HTR1E: variants seen among roughly 807,000 people sequenced by gnomAD.
HTR1E encodes 5-hydroxytryptamine receptor 1E.
A neutral mutation model predicts 3.4 loss-of-function variants in HTR1E; 3 were observed. That is an observed-to-expected ratio of 0.89 (90% CI 0.41 to 2.31). The LOEUF is 2.31. Among genes scored for constraint, HTR1E ranks in the 30% most tolerant of loss-of-function variants. The pLI, the probability that HTR1E is intolerant of heterozygous loss-of-function variation, is 0.05. For missense variants in HTR1E, 392 were observed against 467.0 expected, an observed-to-expected ratio of 0.84 and a Z score of 1.48; for synonymous variants, 170 against 182.8, an observed-to-expected ratio of 0.93 and a Z score of 0.56.
intron 1 of HTR1E, among the ~76,000 whole-genome samples, chr6:86,980,949 G>A (rs551285320): frequency 6.6e-6 from 1 of 152,256 alleles, no homozygotes; most frequent in East Asian, 1.9e-4. Context: ...ACATGCACCT[G>A]GAAGGCCACC....
rs150830526 is a variant in HTR1E at position 86,996,240 on chromosome 6, T to C, written c.-185-18910T>C. Among the ~76,000 whole-genome samples the C allele has an allele frequency of 5.3e-3, 800 of 152,194 alleles. 2 individuals carry two copies. Among genetic ancestry groups the C allele is most frequent in the Non-Finnish European group, 8.2e-3 (557 of 67,984 alleles). ...TAGACCTCAGAAAACTCAAAAGAAC[T>C]AAATTAACACAAAGTATGTCCTCTG... On this transcript the variant is annotated intron_variant, in intron 1 of 1. Transcript: ENST00000305344.
In HTR1E at chr6:87,005,400, A is replaced by G. The variant is rs138832880; in HGVS notation, c.-185-9750A>G. The stretch of plus-strand genomic sequence containing the variant: ...TGGCATAAAAACAGACACATAGACC[A>G]ATGAAACAAAATAGAAAACCCAGAA... On this transcript the variant is annotated intron_variant, in intron 1 of 1. Coordinates refer to ENST00000305344, the MANE Select transcript of HTR1E (RefSeq NM_000865.3). Among the ~76,000 whole-genome samples, 1,343 of 152,332 alleles carry G rather than the reference A, an allele frequency of 8.8e-3. 24 individuals are homozygous for G. The highest frequency in any genetic ancestry group is 0.031 in the African/African-American group (1,280 of 41,568).
In HTR1E at chr6:87,001,627, A is replaced by G. The variant is rs941352725; in HGVS notation, c.-185-13523A>G. ...GCAAGGAAGAAATGTAACAATGTGTAAGAAAGCAAGAATTAGAGAGGGGCA... is the reference window on the plus strand; with the variant it reads ...GCAAGGAAGAAATGTAACAATGTGTGAGAAAGCAAGAATTAGAGAGGGGCA... On this transcript the variant is annotated intron_variant, in intron 1 of 1. Coordinates refer to ENST00000305344, the MANE Select transcript of HTR1E (RefSeq NM_000865.3). 4.6e-5 allele frequency among the ~76,000 whole-genome samples: 7 copies of G among 152,344 alleles called. No individual in the cohort carries two copies. The South Asian group carries it at 1.5e-3, about 32-fold the overall frequency.
chr6:87,016,127 AT>A lies in HTR1E; in HGVS notation c.794del (p.Ile265ThrfsTer8), dbSNP rs762190610. The A allele has an allele frequency of 4.3e-6, 7 of 1,614,004 alleles. No homozygotes were observed. Among genetic ancestry groups the A allele is most frequent in the African/African-American group, 4.0e-5 (3 of 74,908 alleles). On this transcript the variant is annotated frameshift_variant, in exon 2 of 2. Coordinates refer to ENST00000305344, the MANE Select transcript of HTR1E (RefSeq NM_000865.3). LOFTEE classifies it low-confidence loss of function (END_TRUNC). ...EFEKFHASIR[I>X]PPFDNDLDHP... is the part of the protein sequence containing the mutation. ...TGAAAAGTTCCATGCCTCCATCAGGATCCCCCCCTTCGACAATGATCTAGAT... is the reference window on the plus strand; with the variant it reads ...TGAAAAGTTCCATGCCTCCATCAGGACCCCCCCTTCGACAATGATCTAGAT...
chr6:86,968,052 T>C (rs143345449), intron 1 of HTR1E, among the ~76,000 whole-genome samples: 1 of 152,344 alleles, frequency 6.6e-6, no homozygotes, highest in African/African-American at 2.4e-5. Flanking sequence ...TTTACTAACA[T>C]ACAGTTTACA....
intron 1 of HTR1E, among the ~76,000 whole-genome samples, chr6:87,010,511 G>C (rs1768208763): frequency 6.8e-6 from 1 of 146,718 alleles, no homozygotes; most frequent in Non-Finnish European, 1.5e-5. Context: ...TCCCAGATGG[G>C]GCGGCGGGGC....
chr6:87,009,412 G>A (rs1208908616), intron 1 of HTR1E, among the ~76,000 whole-genome samples: 1 of 152,036 alleles, frequency 6.6e-6, no homozygotes, highest in Non-Finnish European at 1.5e-5. Flanking sequence ...CCACGGCAGA[G>A]GAATTTTTCT....
chr6:86,947,287 A>G (rs1022227050), intron 1 of HTR1E, among the ~76,000 whole-genome samples: 1 of 152,206 alleles, frequency 6.6e-6, no homozygotes, highest in Non-Finnish European at 1.5e-5. Context: ...TTAAGAACTC[A>G]CAAAACAACC....
intron 1 of HTR1E, among the ~76,000 whole-genome samples, chr6:86,968,488 T>G (rs1767505362): frequency 6.6e-6 from 1 of 152,206 alleles, no homozygotes; most frequent in African/African-American, 2.4e-5. Context: ...TTATCAAAAT[T>G]TGAGATATTT....
chr6:86,980,065 C>T (rs1236504824), intron 1 of HTR1E, among the ~76,000 whole-genome samples: 3 of 152,186 alleles, frequency 2.0e-5, no homozygotes, highest in Non-Finnish European at 4.4e-5. Context: ...GCTGGATTAT[C>T]TTAGCTGACA....
chr6:86,937,826 G>A lies in HTR1E; in HGVS notation c.-186+3G>A, dbSNP rs1233531506. The A allele has an allele frequency of 1.3e-5, 2 of 152,812 alleles. No individual in the cohort carries two copies. Among genetic ancestry groups the A allele is most frequent in the African/African-American group, 4.8e-5 (2 of 41,466 alleles). 9.5% of individuals were successfully genotyped at this position (152,812 alleles called of 1,614,324 possible). A position where few individuals can be genotyped will look rare whatever the true frequency, so the allele number is the denominator to read the frequency against. On this transcript the variant is annotated splice_donor_region_variant and intron_variant, in intron 1 of 1. Transcript: ENST00000305344. Reference sequence around the variant, plus strand: ...CGGCTGCACGCACCGTCCACAAGGTGAGGGGCGCACACCTTCCGGGACGAC... The same window carrying A: ...CGGCTGCACGCACCGTCCACAAGGTAAGGGGCGCACACCTTCCGGGACGAC...
At chr6:86,968,559 A>G (rs1315753215) in intron 1 of HTR1E, among the ~76,000 whole-genome samples, 1 of 152,226 alleles carries the variant, frequency 6.6e-6, no homozygotes, top group Non-Finnish European at 1.5e-5. Flanking sequence ...CCTTCTAAGT[A>G]TAAGATTGCT....
At chr6:86,995,920 G>A (rs997254480) in intron 1 of HTR1E, among the ~76,000 whole-genome samples, 4 of 151,702 alleles carry the variant, frequency 2.6e-5, no homozygotes, top group Admixed American at 2.0e-4. Context: ...ACTCCACCAA[G>A]AAGACATAGC....
At chr6:86,994,400 C>T (rs1233476468) in intron 1 of HTR1E, among the ~76,000 whole-genome samples, 2 of 151,854 alleles carry the variant, frequency 1.3e-5, no homozygotes, top group African/African-American at 4.8e-5. Context: ...GACACCATAC[C>T]TATCAGGAGA....
chr6:86,938,556 T>C (rs1768503265), intron 1 of HTR1E, among the ~76,000 whole-genome samples: 1 of 152,198 alleles, frequency 6.6e-6, no homozygotes, highest in South Asian at 2.1e-4. Flanking sequence ...TGCATCTATA[T>C]GTATATTTCT....
At chr6:86,942,052 G>C (rs1768553720) in intron 1 of HTR1E, among the ~76,000 whole-genome samples, 1 of 152,214 alleles carries the variant, frequency 6.6e-6, no homozygotes, top group African/African-American at 2.4e-5. Context: ...ACAATAGCTT[G>C]CCTGGTTAGC....
intron 1 of HTR1E, among the ~76,000 whole-genome samples, chr6:87,009,374 G>T (rs1278551261): frequency 1.3e-5 from 2 of 151,900 alleles, no homozygotes; most frequent in African/African-American, 4.9e-5. Flanking sequence ...GCACAGGGTT[G>T]GGGGCAAGGT....
chr6:86,941,185 G>A (rs1014747328), intron 1 of HTR1E, among the ~76,000 whole-genome samples: 16 of 152,188 alleles, frequency 1.1e-4, no homozygotes, highest in Non-Finnish European at 1.8e-4. Context: ...GGTGATGAAA[G>A]GACTTTCATC....
intron 1 of HTR1E, among the ~76,000 whole-genome samples, chr6:86,973,835 C>G (rs552154604): frequency 6.6e-6 from 1 of 152,188 alleles, no homozygotes; most frequent in Non-Finnish European, 1.5e-5. Context: ...GCTGTAGTTT[C>G]CCTTTCTGCT....
Sources: gnomAD v4.1 joint callset for allele counts (sites outside exome capture counted in the v4.1 genomes callset) on GRCh38, gnomAD v4.1.1 for gene constraint, MANE v1.5 for transcripts, NCBI Gene and HGNC (gene_info 2026-07-23, HGNC 2026-07-21) for gene names.